AOAH: variants seen among roughly 807,000 people sequenced by gnomAD.
The protein encoded by AOAH is acyloxyacyl hydrolase (neutrophil).
Under a neutral mutation model 92.2 loss-of-function variants are expected in AOAH, and 64 were observed. The ratio of observed to expected loss-of-function variants is 0.69; its 90% CI spans 0.57 to 0.86. AOAH has a LOEUF of 0.86. AOAH is among the 40% of genes least tolerant of loss of function. The pLI is 0.00. For synonymous variants in AOAH, 263 were observed against 254.5 expected, an observed-to-expected ratio of 1.03 and a Z score of -0.32; for missense variants, 656 against 694.6, an observed-to-expected ratio of 0.94 and a Z score of 0.62.
chr7:36,712,793 T>G (rs1046283946), intron 1 of AOAH, among the ~76,000 whole-genome samples: 2 of 152,166 alleles, frequency 1.3e-5, no homozygotes, highest in Non-Finnish European at 2.9e-5. Context: ...ACAGATTTCG[T>G]CACCACCAGG....
At chr7:36,564,455 G>T (rs1787535292) in intron 13 of AOAH, among the ~76,000 whole-genome samples, 2 of 152,154 alleles carry the variant, frequency 1.3e-5, no homozygotes, top group South Asian at 4.1e-4. Flanking sequence ...GGAGGGGAGT[G>T]GTGGGGCAAA....
chr7:36,624,063 A>C (rs2116112931), intron 6 of AOAH, among the ~76,000 whole-genome samples: 1 of 152,358 alleles, frequency 6.6e-6, no homozygotes, highest in East Asian at 1.9e-4. Context: ...TACATAGGGC[A>C]TACCCCAAGT....
chr7:36,529,946 C>G (rs1333160864), intron 19 of AOAH, among the ~76,000 whole-genome samples: 1 of 152,146 alleles, frequency 6.6e-6, no homozygotes, highest in East Asian at 1.9e-4. Context: ...GTTCTTTGGT[C>G]CCTCCCTTAG....
At position 36,616,380 on chromosome 7, in the gene AOAH, C is replaced by G; in HGVS notation, c.846G>C (p.Leu282Phe). 1 of 1,612,968 alleles carries G rather than the reference C, an allele frequency of 6.2e-7. No individual in the cohort carries two copies. Among genetic ancestry groups the G allele is most frequent in the Non-Finnish European group, 8.5e-7 (1 of 1,179,070 alleles). Residue 282 changes from leucine to phenylalanine, a missense_variant and splice_region_variant, in exon 11 of 21, where the codon TTG becomes TTC. Transcript: ENST00000617537. ...AATGATTACTGCCAAAATTACTTAC[C>G]AAAGACATCTGCGACGCTGTGATCC... ...PEWITASQMS[L>F]NSFINLPTAL...
chr7:36,558,686 C>A (rs1308288719), intron 13 of AOAH, among the ~76,000 whole-genome samples: 4 of 152,260 alleles, frequency 2.6e-5, no homozygotes, highest in Admixed American at 2.0e-4. Context: ...ATGGCGGGAG[C>A]CCCTCCCCCA....
At chr7:36,701,897 T>C (rs532720116) in intron 1 of AOAH, among the ~76,000 whole-genome samples, 5 of 152,098 alleles carry the variant, frequency 3.3e-5, no homozygotes, top group Non-Finnish European at 7.4e-5. Flanking sequence ...TTGCACTATT[T>C]TACTTCCTCT....
chr7:36,557,943 G>T (rs912494860), intron 13 of AOAH, among the ~76,000 whole-genome samples: 6 of 152,112 alleles, frequency 3.9e-5, no homozygotes, highest in Non-Finnish European at 7.4e-5. Flanking sequence ...TCCTCCTGTA[G>T]CTCGGAGTAG....
chr7:36,545,860 G>A (rs942385876), intron 15 of AOAH, among the ~76,000 whole-genome samples: 5 of 152,296 alleles, frequency 3.3e-5, no homozygotes, highest in Middle Eastern at 3.4e-3. Flanking sequence ...ATGATTGGAC[G>A]TTCTGAGGCC....
chr7:36,684,937 A>AAAG (rs1250019607), intron 2 of AOAH, among the ~76,000 whole-genome samples: 46 of 53,206 alleles, frequency 8.6e-4, no homozygotes, highest in African/African-American at 1.0e-3. Context: ...AAAAAAAAAA[A>AAAG]AAGAAGAAGA....
Position 36,548,678 on chromosome 7 carries a change from C to T in AOAH, c.1067G>A (p.Arg356Lys). The change falls in exon 15 of 21, where the codon AGA becomes AAA. Residue 356 changes from arginine to lysine, a missense_variant. By Grantham distance (26) the Arg-to-Lys change is conservative (BLOSUM62 2). Transcript: ENST00000617537. ...GGCGGGATAGTCCAACACCTTGTTT[C>T]TAGACAAGCTGAGAAGGCATAGATG... The part of the protein sequence containing the change: ...NLKKFIESLS[R>K]NKVLDYPAIV... 1 of 1,613,338 alleles carries T rather than the reference C, an allele frequency of 6.2e-7. No individual in the cohort carries two copies. The highest frequency in any genetic ancestry group is 2.2e-5 in the East Asian group (1 of 44,862).
At position 36,614,441 on chromosome 7, in the gene AOAH, T is replaced by C. The variant is rs1247016649; in HGVS notation, c.846+1939A>G. On this transcript the variant is annotated intron_variant, in intron 11 of 20. Transcript: ENST00000617537. The surrounding 1 kb of genome is among the most constrained non-coding windows in gnomAD (Gnocchi z 4.2). ...TTGAACTTCTTAACAATCTTATTTT[T>C]GAATTTGTGTTTGTTATGTGAGTGA... Among the ~76,000 whole-genome samples, 5 of 123,390 alleles carry C rather than the reference T, an allele frequency of 4.1e-5. No individual in the cohort carries two copies. Among genetic ancestry groups the C allele is most frequent in the African/African-American group, 1.4e-4 (5 of 35,600 alleles). 80.9% of individuals were successfully genotyped at this position (123,390 alleles called of 152,430 possible). A position where few individuals can be genotyped will look rare whatever the true frequency, so the allele number is the denominator to read the frequency against.
chr7:36,618,498 C>T (rs1052675427), intron 9 of AOAH, among the ~76,000 whole-genome samples, 153 bp from the exon 10 acceptor site: 1 of 152,202 alleles, frequency 6.6e-6, no homozygotes, highest in Non-Finnish European at 1.5e-5. Context: ...CATAGCAACG[C>T]CCTGTGCGAG....
intron 6 of AOAH, among the ~76,000 whole-genome samples, chr7:36,630,842 T>A (rs2116219460): frequency 6.6e-6 from 1 of 152,296 alleles, no homozygotes; most frequent in South Asian, 2.1e-4. Context: ...CAAATGCACC[T>A]GGGGGTGTAT....
At chr7:36,574,225 AG>A (rs759305106) in intron 13 of AOAH, among the ~76,000 whole-genome samples, 2 of 152,232 alleles carry the variant, frequency 1.3e-5, no homozygotes, top group Non-Finnish European at 2.9e-5. Flanking sequence ...TGCATTTCTA[AG>A]GACTGCAAAT....
At chr7:36,621,445 C>T (rs2116067848) in intron 8 of AOAH, among the ~76,000 whole-genome samples, 1 of 152,286 alleles carries the variant, frequency 6.6e-6, no homozygotes, top group South Asian at 2.1e-4. Context: ...TGACTGTAAG[C>T]TCCAGAAGAG....
chr7:36,578,059 A>G (rs1788656441), intron 12 of AOAH, among the ~76,000 whole-genome samples: 1 of 152,242 alleles, frequency 6.6e-6, no homozygotes, highest in African/African-American at 2.4e-5. Context: ...TTTTAATACA[A>G]GACCAAGATG....
intron 3 of AOAH, among the ~76,000 whole-genome samples, chr7:36,672,481 G>A (rs1162551990): frequency 6.6e-6 from 1 of 152,224 alleles, no homozygotes; most frequent in Non-Finnish European, 1.5e-5. Flanking sequence ...GGACACGGAT[G>A]AAGCTGGAAA....
At chr7:36,530,629 C>G (rs1784639530) in intron 18 of AOAH, 115 bp from the exon 19 acceptor site, 1 of 675,494 alleles carries the variant, frequency 1.5e-6, no homozygotes, top group Admixed American at 2.6e-5. Flanking sequence ...TTTCATTTCT[C>G]CAAGCCATCA....
intron 13 of AOAH, 127 bp downstream of exon 13, chr7:36,576,447 T>C (rs1468958649): frequency 1.0e-5 from 6 of 599,714 alleles, no homozygotes; most frequent in Admixed American, 6.4e-5. Flanking sequence ...GGCAATGGCA[T>C]TGGAAGGGAG....
Sources: gnomAD v4.1 joint callset for allele counts (sites outside exome capture counted in the v4.1 genomes callset) on GRCh38, gnomAD v4.1.1 for gene constraint, Gnocchi (gnomAD v3.1) non-coding constraint, MANE v1.5 for transcripts, NCBI Gene and HGNC (gene_info 2026-07-23, HGNC 2026-07-21) for gene names.